Variants in ADAMTS10 observed in about 807,000 individuals in gnomAD.
ADAMTS10 encodes the protein A disintegrin and metalloproteinase with thrombospondin motifs 10.
Under a neutral mutation model 135.9 loss-of-function variants are expected in ADAMTS10, and 48 were observed. The ratio of observed to expected loss-of-function variants is 0.35; its 90% CI spans 0.28 to 0.45. The LOEUF (loss-of-function observed/expected upper bound fraction) is 0.45. Ranked by LOEUF, ADAMTS10 falls within the 20% of genes least tolerant of loss-of-function variation. ADAMTS10 has a pLI of 1.00. For synonymous variants in ADAMTS10, 621 were observed against 647.5 expected (o/e 0.96, Z 0.62); for missense variants, 1,131 against 1,565.2 (o/e 0.72, Z 4.68).
chr19:8,592,550 T>C (rs989513190), intron 13 of ADAMTS10, among the ~76,000 whole-genome samples: 3 of 148,994 alleles, frequency 2.0e-5, no homozygotes, highest in African/African-American at 7.5e-5. Flanking sequence ...ACAGTAGGCG[T>C]GGCCAGAACC....
intron 6 of ADAMTS10, among the ~76,000 whole-genome samples, chr19:8,600,479 GTCTTTTCTTTTCTT>G (rs2042650927): frequency 1.4e-5 from 2 of 145,958 alleles, no homozygotes; most frequent in African/African-American, 5.1e-5. Flanking sequence ...CTTTCTTTCT[GTCTTTTCTTTTCTT>G]TCTTTTCTTT....
chr19:8,607,967 T>G (rs782073401), intron 2 of ADAMTS10, among the ~76,000 whole-genome samples, 167 bp downstream of exon 2: 1 of 151,896 alleles, frequency 6.6e-6, no homozygotes, highest in African/African-American at 2.4e-5. Flanking sequence ...TGCGCCACCA[T>G]GCCCAGCTAA....
At chr19:8,599,708 C>G (rs2042642453) in intron 6 of ADAMTS10, among the ~76,000 whole-genome samples, 1 of 152,280 alleles carries the variant, frequency 6.6e-6, no homozygotes, top group East Asian at 1.9e-4. Context: ...CTCCTGGGCT[C>G]AAGTGATCCT....
chr19:8,597,752 T>C (rs1555740607), intron 6 of ADAMTS10, among the ~76,000 whole-genome samples: 1 of 152,214 alleles, frequency 6.6e-6, no homozygotes. Context: ...ATGATTCTAC[T>C]GCTTCAGCCT....
Position 8,584,951 on chromosome 19 carries a change from G to A in ADAMTS10, c.3146C>T (p.Thr1049Ile), listed in dbSNP as rs1555736431. ...HECTEALRPPTTQQCEAKCDS... is the reference protein window; with the variant it reads ...HECTEALRPPITQQCEAKCDS... ...GCACTTGGCCTCACACTGCTGCGTGGTGGGCGGCCGCAGGGCCTCCGTGCA... is the reference window on the plus strand; with the variant it reads ...GCACTTGGCCTCACACTGCTGCGTGATGGGCGGCCGCAGGGCCTCCGTGCA... The change falls in exon 25 of 26, where the codon ACC (threonine) becomes ATC (isoleucine). Residue 1049 changes from threonine to isoleucine, a missense_variant. Thr to Ile is a moderately conservative substitution (Grantham distance 89). Transcript: ENST00000597188. The A allele has an allele frequency of 6.5e-7, 1 of 1,548,232 alleles. No homozygotes were observed. The highest frequency in any genetic ancestry group is 8.7e-7 in the Non-Finnish European group (1 of 1,146,408).
At chr19:8,582,262 G>A (rs999225897) in intron 25 of ADAMTS10, among the ~76,000 whole-genome samples, 1 of 151,856 alleles carries the variant, frequency 6.6e-6, no homozygotes, top group South Asian at 2.1e-4. Flanking sequence ...GAGGTCAGGA[G>A]ATCGAGACCA....
chr19:8,601,111 C>A lies in ADAMTS10; in HGVS notation c.627G>T (p.Leu209=). ...EKPWKGRPWW[L]RTLKPPPARP... is the part of the protein sequence containing the mutation. ...TGGCAGGCGGTGGCTTCAAGGTCCG[C>A]AGCCACCATGGCCGCCCTTTCCACG... The change falls in exon 6 of 26, where the codon CTG becomes CTT. Residue 209 remains leucine, a synonymous_variant. Transcript: ENST00000597188. The surrounding 1 kb of genome is among the most constrained non-coding windows in gnomAD (Gnocchi z 4.6). 1 of 1,614,002 alleles carries A rather than the reference C, an allele frequency of 6.2e-7. No homozygotes were observed. The highest frequency in any genetic ancestry group is 8.5e-7 in the Non-Finnish European group (1 of 1,180,038).
chr19:8,596,165 G>C lies in ADAMTS10; in HGVS notation c.1245C>G (p.Asp415Glu), dbSNP rs782313551. The change falls in exon 11 of 26, where the codon GAC becomes GAG. Residue 415 changes from aspartate to glutamate, a missense_variant. Physicochemically the swap from Asp to Glu is conservative, Grantham distance 45. Coordinates refer to ENST00000597188, the MANE Select transcript of ADAMTS10 (RefSeq NM_030957.4). This position sits in a 1 kb window ranked among gnomAD's most constrained non-coding sequence, Gnocchi z 7.2. Reference protein sequence around the residue: ...VGNSCGARGQDPAKLMAAHIT... With the variant: ...VGNSCGARGQEPAKLMAAHIT... The stretch of plus-strand genomic sequence containing the variant: ...TGTGGGCAGCCATGAGCTTGGCTGG[G>C]TCCTGACCACGGGCCCCACAGCTGT... 6 of 1,614,176 alleles carry C rather than the reference G, an allele frequency of 3.7e-6. No homozygotes were observed. The highest frequency in any genetic ancestry group is 5.1e-6 in the Non-Finnish European group (6 of 1,180,032).
In ADAMTS10 at chr19:8,592,883, G is replaced by A. The variant is rs372079583; in HGVS notation, c.1480-13C>T. 5.5e-5 allele frequency: 88 copies of A among 1,607,220 alleles called. No homozygotes were observed. Among genetic ancestry groups the A allele is most frequent in the East Asian group, 2.0e-4 (9 of 44,734 alleles). On this transcript the variant is annotated splice_polypyrimidine_tract_variant and intron_variant, in intron 12 of 25. Transcript: ENST00000597188. ...CGCTGCAGACCTCCTGCGGGCCGAG[G>A]TGCCCGCTCAGGCTCGCCCCCCTCC... is the stretch of plus-strand genomic sequence containing the variant.
rs141997404 is a variant in ADAMTS10 at position 8,601,464 on chromosome 19, C to A, written c.593-319G>T. 6.6e-6 allele frequency among the ~76,000 whole-genome samples: 1 copy of A among 151,404 alleles called. No homozygotes were observed. Among genetic ancestry groups the A allele is most frequent in the African/African-American group, 2.4e-5 (1 of 41,238 alleles). ...GAAACCTCTGCCTCCCAGGTTCAAG[C>A]GATTCTCCTGCCTCAGCCTCCCGAG... On this transcript the variant is annotated intron_variant, in intron 5 of 25. Coordinates refer to ENST00000597188, the MANE Select transcript of ADAMTS10 (RefSeq NM_030957.4). The surrounding 1 kb of genome is among the most constrained non-coding windows in gnomAD (Gnocchi z 4.6).
intron 15 of ADAMTS10, among the ~76,000 whole-genome samples, chr19:8,590,448 ATTATTTAT>A (rs543968321): frequency 8.5e-5 from 12 of 141,962 alleles, no homozygotes; most frequent in African/African-American, 1.9e-4. Context: ...TAATTTTTGC[ATTATTTAT>A]TTATTTATTT....
Position 8,589,231 on chromosome 19 carries a change from G to T in ADAMTS10, c.2158+11C>A. ...TGCAGGGAGTGTGGGAGGGAAGCTGGAGACTCTCACCGGCCCCAGGTGAGG... is the reference window on the plus strand; with the variant it reads ...TGCAGGGAGTGTGGGAGGGAAGCTGTAGACTCTCACCGGCCCCAGGTGAGG... On this transcript the variant is annotated intron_variant, in intron 18 of 25. Transcript: ENST00000597188. 1 of 1,612,458 alleles carries T rather than the reference G, an allele frequency of 6.2e-7. No homozygotes were observed. The highest frequency in any genetic ancestry group is 8.5e-7 in the Non-Finnish European group (1 of 1,179,966).
intron 1 of ADAMTS10, among the ~76,000 whole-genome samples, chr19:8,609,285 C>A (rs1181604315): frequency 6.6e-6 from 1 of 150,384 alleles, no homozygotes; most frequent in Non-Finnish European, 1.5e-5. Flanking sequence ...TTCCTCCAGC[C>A]CCTCCTCCCC....
rs537621715 is a variant in ADAMTS10 at position 8,596,792 on chromosome 19, G to A, written c.1040+195C>T. Among the ~76,000 whole-genome samples the A allele has an allele frequency of 5.3e-5, 8 of 152,170 alleles. No individual in the cohort carries two copies. The highest frequency in any genetic ancestry group is 1.2e-4 in the African/African-American group (5 of 41,518). ...GGGAGAATAAGTGAATGAGGGCATC[G>A]GTGCCCAAATGGTCCCAAACCTCCC... is the stretch of plus-strand genomic sequence containing the variant. On this transcript the variant is annotated intron_variant, in intron 8 of 25. Coordinates refer to ENST00000597188, the MANE Select transcript of ADAMTS10 (RefSeq NM_030957.4). This position sits in a 1 kb window ranked among gnomAD's most constrained non-coding sequence, Gnocchi z 7.2.
At chr19:8,610,411 C>G (rs2042767855) in intron 1 of ADAMTS10, among the ~76,000 whole-genome samples, 1 of 113,740 alleles carries the variant, frequency 8.8e-6, no homozygotes, top group Non-Finnish European at 1.8e-5. Context: ...CACTCTGCCC[C>G]TACGTGGACG....
At chr19:8,592,710 C>T (rs1340172802) in intron 13 of ADAMTS10, 53 bp downstream of exon 13, 4 of 1,542,604 alleles carry the variant, frequency 2.6e-6, no homozygotes, top group East Asian at 4.6e-5. Flanking sequence ...GTGGCCAACG[C>T]GGGAGGTGGC....
At chr19:8,608,809 T>C (rs1205023418) in intron 1 of ADAMTS10, among the ~76,000 whole-genome samples, 3 of 151,240 alleles carry the variant, frequency 2.0e-5, no homozygotes, top group Non-Finnish European at 4.4e-5. Flanking sequence ...TGGGCTCAGG[T>C]GGGGTGTGAG....
rs782659897 is a variant in ADAMTS10, at chr19:8,595,900, C to T, written c.1341G>A (p.Ser447=). 8.1e-6 allele frequency: 13 copies of T among 1,614,044 alleles called. No homozygotes were observed. The highest frequency in any genetic ancestry group is 1.1e-5 in the South Asian group (1 of 91,080). The change falls in exon 12 of 26, where the codon TCG becomes TCA. Residue 447 remains serine (S), a synonymous_variant. Coordinates refer to ENST00000597188, the MANE Select transcript of ADAMTS10 (RefSeq NM_030957.4). ...GGTTGTTCAGGCAGAGCCCCAGGCC[C>T]GAGCTGCCTCGAGAGAAAAGCAACT... ...SRDYITSFLD[S]GLGLCLNNRP... is the part of the protein sequence containing the mutation.
At chr19:8,588,647 G>T (rs1007433111) in intron 18 of ADAMTS10, among the ~76,000 whole-genome samples, 1 of 152,102 alleles carries the variant, frequency 6.6e-6, no homozygotes, top group African/African-American at 2.4e-5. Flanking sequence ...CCCTCCCGTA[G>T]TAAGCCTTTC....
Sources: gnomAD v4.1 joint callset for allele counts (sites outside exome capture counted in the v4.1 genomes callset) on GRCh38, gnomAD v4.1.1 for gene constraint, Gnocchi (gnomAD v3.1) non-coding constraint, MANE v1.5 for transcripts, NCBI Gene and HGNC (gene_info 2026-07-23, HGNC 2026-07-21) for gene names.